RANBP2: variants seen among roughly 807,000 people sequenced by gnomAD.
The protein encoded by RANBP2 is RAN binding protein 2.
RANBP2 carries 57 observed loss-of-function variants against 303.6 expected under a neutral mutation model. The observed-to-expected ratio is 0.19, with a 90% CI of 0.15 to 0.23. The LOEUF (loss-of-function observed/expected upper bound fraction) is 0.23, where lower values mean the gene tolerates loss of function less well. RANBP2 is among the 10% of genes least tolerant of loss of function. RANBP2 has a pLI of 1.00. For synonymous variants in RANBP2, 1,167 were observed against 1,301.5 expected, an observed-to-expected ratio of 0.90 and a Z score of 2.23; for missense variants, 3,138 against 3,780.8, an observed-to-expected ratio of 0.83 and a Z score of 4.46.
At chr2:108,893,966 T>TTTC in the RANBP2 span, among the ~76,000 whole-genome samples, 4 of 152,094 alleles carry the variant, frequency 2.6e-5, no homozygotes, top group East Asian at 1.9e-4. Context: ...TATCATTTTC[T>TTTC]TTCTTTTAGA....
At chr2:109,035,876 GA>G in the RANBP2 span, among the ~76,000 whole-genome samples, 1 of 152,240 alleles carries the variant, frequency 6.6e-6, no homozygotes, top group African/African-American at 2.4e-5. Context: ...AAACAAAGGA[GA>G]AAATATTGAA....
At chr2:109,070,381 G>C in the RANBP2 span, among the ~76,000 whole-genome samples, 4 of 152,192 alleles carry the variant, frequency 2.6e-5, no homozygotes, top group Non-Finnish European at 5.9e-5. Context: ...ATTATAGTGG[G>C]GTGATATAGT....
chr2:109,670,853 G>A, the RANBP2 span, among the ~76,000 whole-genome samples: 1 of 151,826 alleles, frequency 6.6e-6, no homozygotes, highest in Non-Finnish European at 1.5e-5. Context: ...CGGTTTGGGG[G>A]TGGCTGGGTC....
chr2:108,768,011 C>T lies in RANBP2; in HGVS notation c.7472C>T (p.Ala2491Val). 1 of 1,611,714 alleles carries T rather than the reference C, an allele frequency of 6.2e-7. No homozygotes were observed. Among genetic ancestry groups the T allele is most frequent in the Non-Finnish European group, 8.5e-7 (1 of 1,179,770 alleles). The change falls in exon 20 of 29, where the codon GCA becomes GTA. Residue 2491 changes from alanine (A) to valine (V), a missense_variant. Transcript: ENST00000283195. Reference sequence around the variant, plus strand: ...ATTCAGGGTGATGATGTAGCAGATGCAACTTCAGAAGTTGAAGTGTCTAGC... The same window carrying T: ...ATTCAGGGTGATGATGTAGCAGATGTAACTTCAGAAGTTGAAGTGTCTAGC... Reference protein sequence around the residue: ...DVIQGDDVADATSEVEVSSTS... With the variant: ...DVIQGDDVADVTSEVEVSSTS...
At chr2:109,034,397 C>T in the RANBP2 span, among the ~76,000 whole-genome samples, 1 of 151,980 alleles carries the variant, frequency 6.6e-6, no homozygotes, top group Non-Finnish European at 1.5e-5. Flanking sequence ...GCCCCAGGGC[C>T]ATGCCCCAGA....
chr2:109,229,051 C>T, the RANBP2 span, among the ~76,000 whole-genome samples: 1 of 152,154 alleles, frequency 6.6e-6, no homozygotes, highest in South Asian at 2.1e-4. Flanking sequence ...CCAGCAAATA[C>T]CAAGGGATTA....
At chr2:108,720,588 C>T (rs1389143235) in intron 1 of RANBP2, among the ~76,000 whole-genome samples, 1 of 152,146 alleles carries the variant, frequency 6.6e-6, no homozygotes, top group East Asian at 1.9e-4. Flanking sequence ...AATCACAGCA[C>T]TGTCGTTTAT....
chr2:109,725,334 TGC>T, the RANBP2 span, among the ~76,000 whole-genome samples: 2 of 152,206 alleles, frequency 1.3e-5, no homozygotes, highest in African/African-American at 4.8e-5. Flanking sequence ...AGGGTCTTGA[TGC>T]CAGAAAGTGG....
the RANBP2 span, among the ~76,000 whole-genome samples, chr2:109,089,073 A>G: frequency 2.0e-5 from 3 of 152,114 alleles, no homozygotes; most frequent in Non-Finnish European, 4.4e-5. Flanking sequence ...GGAAAAGTAA[A>G]GAACAGGGGA....
At chr2:109,090,305 T>C in the RANBP2 span, among the ~76,000 whole-genome samples, 1 of 128,924 alleles carries the variant, frequency 7.8e-6, no homozygotes, top group Non-Finnish European at 1.6e-5. Context: ...GTAGGACACC[T>C]CGCCTCACAC....
the RANBP2 span, among the ~76,000 whole-genome samples, chr2:109,241,318 G>A: frequency 6.6e-6 from 1 of 152,164 alleles, no homozygotes; most frequent in Non-Finnish European, 1.5e-5. Flanking sequence ...AAGATGGACG[G>A]ATATTGGAGC....
chr2:109,688,259 G>C, the RANBP2 span, among the ~76,000 whole-genome samples: 2 of 152,170 alleles, frequency 1.3e-5, no homozygotes, highest in Non-Finnish European at 2.9e-5. Context: ...AGATCTTGGG[G>C]TCCAGGCCTT....
chr2:109,230,830 C>G, the RANBP2 span, among the ~76,000 whole-genome samples: 2 of 152,170 alleles, frequency 1.3e-5, no homozygotes, highest in South Asian at 4.1e-4. Flanking sequence ...ATAAAAAATT[C>G]CACTTCATTT....
the RANBP2 span, chr2:108,794,851 G>C: frequency 2.9e-6 from 2 of 693,540 alleles, no homozygotes; most frequent in Non-Finnish European, 4.6e-6. Flanking sequence ...AGGACGGAAG[G>C]GGACAAACTC....
chr2:109,103,778 A>ATTCTTT, the RANBP2 span, among the ~76,000 whole-genome samples: 1 of 151,386 alleles, frequency 6.6e-6, no homozygotes, highest in Non-Finnish European at 1.5e-5. Flanking sequence ...GTGAATAGAG[A>ATTCTTT]TTCTTTTTCT....
At chr2:109,256,162 C>T in the RANBP2 span, among the ~76,000 whole-genome samples, 4 of 152,302 alleles carry the variant, frequency 2.6e-5, no homozygotes, top group Admixed American at 1.3e-4. Flanking sequence ...CAGCACCTGG[C>T]GGAGGCCCTC....
At chr2:109,620,929 T>C in the RANBP2 span, among the ~76,000 whole-genome samples, 3 of 152,206 alleles carry the variant, frequency 2.0e-5, no homozygotes, top group Non-Finnish European at 2.9e-5. Flanking sequence ...CCTTGTGAGA[T>C]AGAACATTCA....
At chr2:108,815,977 G>A in the RANBP2 span, 1 of 1,613,076 alleles carries the variant, frequency 6.2e-7, no homozygotes, top group Non-Finnish European at 8.5e-7. Flanking sequence ...ACTTTTAACT[G>A]TCTTCATGGA....
the RANBP2 span, among the ~76,000 whole-genome samples, chr2:109,332,983 A>G: frequency 6.6e-6 from 1 of 152,260 alleles, no homozygotes; most frequent in Non-Finnish European, 1.5e-5. Flanking sequence ...AGGATGCAGA[A>G]GACAGCCTAG....
Sources: allele counts gnomAD v4.1 joint callset (sites outside exome capture counted in the v4.1 genomes callset), GRCh38; gene constraint gnomAD v4.1.1; transcripts MANE v1.5; gene names NCBI Gene and HGNC (gene_info 2026-07-23, HGNC 2026-07-21).